Variants in MSRB3 observed in about 807,000 individuals in gnomAD.
MSRB3 encodes the protein methionine sulfoxide reductase B3.
In MSRB3, 13 loss-of-function variants were observed where a neutral mutation model predicts 21.0. That is an observed-to-expected ratio of 0.62 (90% CI 0.40 to 0.98). The LOEUF (loss-of-function observed/expected upper bound fraction) is 0.98. Among genes scored for constraint, MSRB3 ranks in the 50% least tolerant of loss-of-function variants. The pLI, the probability that MSRB3 is intolerant of heterozygous loss-of-function variation, is 0.00. For missense variants in MSRB3, 199 were observed against 230.3 expected, an observed-to-expected ratio of 0.86 and a Z score of 0.88; for synonymous variants, 87 against 88.6, an observed-to-expected ratio of 0.98 and a Z score of 0.10.
intron 5 of MSRB3, among the ~76,000 whole-genome samples, chr12:65,393,630 C>CAA (rs59417371): frequency 5.2e-4 from 47 of 90,534 alleles, no homozygotes; most frequent in East Asian, 1.2e-3. Flanking sequence ...GACTCCGTCG[C>CAA]AAAAAAAAAA....
chr12:65,463,499 A>T lies in MSRB3; in HGVS notation c.*177A>T. The T allele has an allele frequency of 2.7e-6, 2 of 729,128 alleles. No individual in the cohort carries two copies. Among genetic ancestry groups the T allele is most frequent in the Non-Finnish European group, 2.2e-6 (1 of 457,082 alleles). The allele number at this position is 729,128 out of a possible 1,614,324, so 45.2% of individuals were successfully genotyped here. ...TGGCCATCCATGTATTTTGCAATTG[A>T]CTAGATCAAGAACTGTTTATAGCTT... On this transcript the variant is annotated 3_prime_UTR_variant, in exon 7 of 7. Transcript: ENST00000308259.
At position 65,461,154 on chromosome 12, in the gene MSRB3, A is replaced by G. The variant is rs542997519; in HGVS notation, c.391-2001A>G. Among the ~76,000 whole-genome samples the G allele has an allele frequency of 3.9e-5, 6 of 152,282 alleles. No individual in the cohort carries two copies. The East Asian group carries it at 1.2e-3, about 29-fold the overall frequency. Reference sequence around the variant, plus strand: ...CAAGTGATCCAAGTGCTGGAGCTGCATCTGAGATCAGTAATTGTGCACACA... The same window carrying G: ...CAAGTGATCCAAGTGCTGGAGCTGCGTCTGAGATCAGTAATTGTGCACACA... On this transcript the variant is annotated intron_variant, in intron 6 of 6. Coordinates refer to ENST00000308259, the MANE Select transcript of MSRB3 (RefSeq NM_001031679.3).
intron 4 of MSRB3, among the ~76,000 whole-genome samples, chr12:65,363,910 C>T (rs1423777282): frequency 2.6e-5 from 4 of 152,030 alleles, no homozygotes; most frequent in Non-Finnish European, 4.4e-5. Context: ...TGCTTGAACC[C>T]GGGAGGTGGA....
intron 5 of MSRB3, among the ~76,000 whole-genome samples, chr12:65,418,104 A>G (rs757318843): frequency 2.0e-5 from 3 of 152,090 alleles, no homozygotes; most frequent in Non-Finnish European, 4.4e-5. Flanking sequence ...CCTTTTCTCC[A>G]CGTCTTCACT....
intron 5 of MSRB3, among the ~76,000 whole-genome samples, chr12:65,411,188 G>T (rs1366753039): frequency 6.6e-6 from 1 of 152,190 alleles, no homozygotes; most frequent in East Asian, 1.9e-4. Flanking sequence ...AATTATTGAA[G>T]TGGGACATAC....
chr12:65,340,928 G>A (rs958331257), intron 4 of MSRB3, among the ~76,000 whole-genome samples: 1 of 151,916 alleles, frequency 6.6e-6, no homozygotes, highest in Non-Finnish European at 1.5e-5. Context: ...AAGAAATTGA[G>A]TTATCACAAA....
intron 1 of MSRB3, among the ~76,000 whole-genome samples, chr12:65,307,418 G>C (rs1447856276): frequency 1.3e-5 from 2 of 152,116 alleles, no homozygotes; most frequent in African/African-American, 4.8e-5. Flanking sequence ...TTATATGTTT[G>C]TTCTTCAAGG....
At chr12:65,309,514 A>G (rs951571949) in intron 2 of MSRB3, among the ~76,000 whole-genome samples, 1 of 152,094 alleles carries the variant, frequency 6.6e-6, no homozygotes. Flanking sequence ...TTCAACAAGT[A>G]CAAGGTGGAA....
chr12:65,359,065 A>G (rs942242547), intron 4 of MSRB3, among the ~76,000 whole-genome samples: 2 of 151,984 alleles, frequency 1.3e-5, no homozygotes, highest in Non-Finnish European at 2.9e-5. Context: ...CCTTACTAAA[A>G]GGAATAATGT....
At position 65,330,984 on chromosome 12, in the gene MSRB3, C is replaced by T. The variant is rs149931493; in HGVS notation, c.263+2381C>T. 3.1e-3 allele frequency among the ~76,000 whole-genome samples: 467 copies of T among 152,176 alleles called. 2 individuals are homozygous for T. Among genetic ancestry groups the T allele is most frequent in the African/African-American group, 0.01 (432 of 41,498 alleles). On this transcript the variant is annotated intron_variant, in intron 4 of 6. Coordinates refer to ENST00000308259, the MANE Select transcript of MSRB3 (RefSeq NM_001031679.3). ...CTTTTTTTCGGACACAGAATACATC[C>T]GATTTGGTTGATTAATTTGACAGTG...
intron 5 of MSRB3, among the ~76,000 whole-genome samples, chr12:65,444,462 T>C (rs1453566632): frequency 6.6e-6 from 1 of 152,230 alleles, no homozygotes; most frequent in African/African-American, 2.4e-5. Flanking sequence ...TTTTTTAACA[T>C]GTCTAAATAT....
intron 5 of MSRB3, among the ~76,000 whole-genome samples, chr12:65,380,360 G>T (rs1187510075): frequency 6.6e-6 from 1 of 152,042 alleles, no homozygotes. Context: ...TGGATCACTT[G>T]AGGTACAGGA....
intron 5 of MSRB3, among the ~76,000 whole-genome samples, chr12:65,434,768 C>A (rs940898416): frequency 2.2e-4 from 33 of 151,974 alleles, no homozygotes; most frequent in African/African-American, 8.0e-4. Flanking sequence ...CATGTAAATT[C>A]CTTACATTTG....
intron 5 of MSRB3, among the ~76,000 whole-genome samples, chr12:65,374,849 C>CTT (rs1176814266): frequency 6.6e-6 from 1 of 151,980 alleles, no homozygotes; most frequent in Non-Finnish European, 1.5e-5. Context: ...CTATAGCAAT[C>CTT]TTTCTTTCTT....
intron 4 of MSRB3, among the ~76,000 whole-genome samples, chr12:65,359,829 G>A (rs1481857225): frequency 6.6e-6 from 1 of 152,144 alleles, no homozygotes; most frequent in Non-Finnish European, 1.5e-5. Flanking sequence ...TAACTTCTAG[G>A]TTTTTGGCTT....
intron 1 of MSRB3, chr12:65,281,765 T>C (rs1450986713): frequency 6.6e-6 from 1 of 152,176 alleles, no homozygotes; most frequent in Non-Finnish European, 1.5e-5. Context: ...ATTTCTGTGG[T>C]TGGGAAGGCT....
At chr12:65,313,254 A>G (rs987854788) in intron 2 of MSRB3, among the ~76,000 whole-genome samples, 2 of 152,122 alleles carry the variant, frequency 1.3e-5, no homozygotes, top group African/African-American at 4.8e-5. Context: ...AGGAAATACT[A>G]CAGATACACA....
intron 1 of MSRB3, 43 bp downstream of exon 1, chr12:65,278,908 T>G: frequency 2.1e-6 from 2 of 965,020 alleles, no homozygotes; most frequent in Non-Finnish European, 3.1e-6. Flanking sequence ...GCCTCACCCC[T>G]CCCACCCCGA....
intron 5 of MSRB3, among the ~76,000 whole-genome samples, chr12:65,447,769 GTAGTA>G (rs1882686483): frequency 6.6e-6 from 1 of 152,122 alleles, no homozygotes; most frequent in East Asian, 1.9e-4. Flanking sequence ...AGAAAACAAG[GTAGTA>G]TCTGTGAAAC....
Sources: gnomAD v4.1 joint callset for allele counts (sites outside exome capture counted in the v4.1 genomes callset) on GRCh38, gnomAD v4.1.1 for gene constraint, MANE v1.5 for transcripts, NCBI Gene and HGNC (gene_info 2026-07-23, HGNC 2026-07-21) for gene names.